Variants in NDST4 observed in about 807,000 individuals in gnomAD.
The protein encoded by NDST4 is N-deacetylase and N-sulfotransferase 4.
Under a neutral mutation model 100.8 loss-of-function variants are expected in NDST4, and 63 were observed. The ratio of observed to expected loss-of-function variants is 0.62; its 90% CI spans 0.51 to 0.77. The LOEUF is 0.77. Ranked by LOEUF, NDST4 falls within the 30% of genes least tolerant of loss-of-function variation. NDST4 has a pLI of 0.00. For synonymous variants in NDST4, 377 were observed against 361.8 expected (o/e 1.04, Z -0.48); for missense variants, 943 against 1,018.4 (o/e 0.93, Z 1.01).
At chr4:114,911,742 T>C (rs1191834215) in intron 6 of NDST4, among the ~76,000 whole-genome samples, 2 of 152,198 alleles carry the variant, frequency 1.3e-5, no homozygotes, top group African/African-American at 4.8e-5. Flanking sequence ...CAAAATAGTC[T>C]CTTCTAAATT....
At chr4:115,059,621 C>A (rs1462876466) in intron 2 of NDST4, among the ~76,000 whole-genome samples, 2 of 152,030 alleles carry the variant, frequency 1.3e-5, no homozygotes, top group East Asian at 3.9e-4. Flanking sequence ...GACATTTTTT[C>A]ATACAGACCA....
chr4:115,064,592 T>G (rs1282703805), intron 2 of NDST4, among the ~76,000 whole-genome samples: 2 of 152,032 alleles, frequency 1.3e-5, no homozygotes, highest in Non-Finnish European at 2.9e-5. Flanking sequence ...CTGTTCTCTT[T>G]TGAGTCAGGC....
intron 6 of NDST4, among the ~76,000 whole-genome samples, chr4:114,901,370 A>G (rs1411613051): frequency 2.0e-5 from 3 of 152,054 alleles, no homozygotes; most frequent in African/African-American, 7.2e-5. Context: ...TCACTATTTT[A>G]TTATTTAATG....
Position 114,970,487 on chromosome 4 carries a change from G to A in NDST4, c.1164C>T (p.Leu388=). The A allele has an allele frequency of 6.2e-7, 1 of 1,614,036 alleles. No homozygotes were observed. Among genetic ancestry groups the A allele is most frequent in the Non-Finnish European group, 8.5e-7 (1 of 1,179,914 alleles). ...PHMWSHMQPH[L]FHNESSLVEQ... is the part of the protein sequence containing the mutation. ...CTACTAAAGATGACTCGTTGTGGAA[G>A]AGGTGGGGCTGCATGTGGCTCCACA... The change falls in exon 4 of 14, where the codon CTC becomes CTT. Residue 388 remains leucine, a synonymous_variant. Coordinates refer to ENST00000264363, the MANE Select transcript of NDST4 (RefSeq NM_022569.3).
intron 2 of NDST4, among the ~76,000 whole-genome samples, chr4:115,054,454 G>T (rs750702232): frequency 6.1e-4 from 93 of 152,172 alleles, no homozygotes; most frequent in Non-Finnish European, 9.0e-4. Context: ...TATATACACT[G>T]ATACAATAAG....
chr4:114,942,179 C>T (rs887043639), intron 4 of NDST4, among the ~76,000 whole-genome samples: 22 of 152,090 alleles, frequency 1.4e-4, no homozygotes, highest in African/African-American at 4.1e-4. Context: ...ATACCAAATG[C>T]ACATCAAAAC....
chr4:114,942,557 T>C (rs2126228531), intron 4 of NDST4, among the ~76,000 whole-genome samples: 1 of 152,264 alleles, frequency 6.6e-6, no homozygotes, highest in East Asian at 1.9e-4. Flanking sequence ...AATTTTAATC[T>C]TCCTCAGGCT....
chr4:115,055,036 G>A (rs1053119574), intron 2 of NDST4, among the ~76,000 whole-genome samples: 2 of 152,022 alleles, frequency 1.3e-5, no homozygotes, highest in Non-Finnish European at 1.5e-5. Context: ...TATCACCCGA[G>A]CGCCACATTC....
At chr4:115,104,239 G>A (rs996835459) in intron 1 of NDST4, among the ~76,000 whole-genome samples, 6 of 151,956 alleles carry the variant, frequency 3.9e-5, no homozygotes, top group African/African-American at 1.2e-4. Context: ...TTTCAGCCTG[G>A]GTTAACATTA....
intron 11 of NDST4, among the ~76,000 whole-genome samples, chr4:114,835,306 G>T (rs996612982): frequency 2.6e-5 from 4 of 152,048 alleles, no homozygotes; most frequent in African/African-American, 9.7e-5. Context: ...CAGTGATTCT[G>T]GTATGTTGTC....
chr4:115,069,045 G>A (rs1045191968), intron 2 of NDST4, among the ~76,000 whole-genome samples: 1 of 151,948 alleles, frequency 6.6e-6, no homozygotes, highest in African/African-American at 2.4e-5. Context: ...TGAGAATTAA[G>A]GTCAGTGATT....
chr4:114,960,031 A>G (rs1726226937), intron 4 of NDST4, among the ~76,000 whole-genome samples: 1 of 152,216 alleles, frequency 6.6e-6, no homozygotes, highest in African/African-American at 2.4e-5. Context: ...CAAATCTTGA[A>G]AGTCGCAAAA....
intron 2 of NDST4, among the ~76,000 whole-genome samples, chr4:115,027,419 T>C (rs192518459): frequency 6.6e-6 from 1 of 152,242 alleles, no homozygotes; most frequent in East Asian, 1.9e-4. Flanking sequence ...CCAAGCTCTC[T>C]GGGCTATCTC....
chr4:115,061,976 A>G (rs576725243), intron 2 of NDST4, among the ~76,000 whole-genome samples: 1 of 152,200 alleles, frequency 6.6e-6, no homozygotes, highest in African/African-American at 2.4e-5. Context: ...ATACCAGAAT[A>G]AAATAAAAAT....
intron 2 of NDST4, among the ~76,000 whole-genome samples, chr4:115,063,119 T>C (rs1041826265): frequency 1.3e-5 from 2 of 151,984 alleles, no homozygotes; most frequent in African/African-American, 4.8e-5. Context: ...CTAAACTAAA[T>C]GGTTTGTGCC....
intron 1 of NDST4, among the ~76,000 whole-genome samples, chr4:115,088,939 C>T (rs1219282915): frequency 2.6e-5 from 4 of 152,006 alleles, no homozygotes; most frequent in African/African-American, 9.7e-5. Context: ...ATAGTACAGC[C>T]TATAACACAG....
At chr4:115,112,803 A>T (rs1056437454) in intron 1 of NDST4, among the ~76,000 whole-genome samples, 2 of 151,944 alleles carry the variant, frequency 1.3e-5, no homozygotes, top group African/African-American at 2.4e-5. Context: ...TCCTCCTAGG[A>T]AACTATGCTT....
chr4:115,094,817 A>C (rs2126296095), intron 1 of NDST4, among the ~76,000 whole-genome samples: 1 of 152,180 alleles, frequency 6.6e-6, no homozygotes, highest in Non-Finnish European at 1.5e-5. Flanking sequence ...CAGAAGAGAG[A>C]TCTGGAACAG....
chr4:115,036,988 T>A (rs1728246844), intron 2 of NDST4, among the ~76,000 whole-genome samples: 1 of 152,030 alleles, frequency 6.6e-6, no homozygotes, highest in African/African-American at 2.4e-5. Flanking sequence ...TTTTATATAT[T>A]ATTTTGCTTG....
Sources: gnomAD v4.1 joint callset for allele counts (sites outside exome capture counted in the v4.1 genomes callset) on GRCh38, gnomAD v4.1.1 for gene constraint, MANE v1.5 for transcripts, NCBI Gene and HGNC (gene_info 2026-07-23, HGNC 2026-07-21) for gene names.